The following SCIN variants were observed in gnomAD, a reference collection of about 807,000 sequenced individuals.
The protein encoded by SCIN is scinderin.
Under a neutral mutation model 91.8 loss-of-function variants are expected in SCIN, and 91 were observed. That is an observed-to-expected ratio of 0.99 (90% confidence interval 0.84 to 1.18). The LOEUF (loss-of-function observed/expected upper bound fraction) is 1.18. Among genes scored for constraint, SCIN ranks in the 50% most tolerant of loss-of-function variants. The pLI, the probability that SCIN is intolerant of heterozygous loss-of-function variation, is 0.00. For synonymous variants in SCIN, 367 were observed against 312.6 expected, an observed-to-expected ratio of 1.17 and a Z score of -1.84; for missense variants, 1,087 against 863.9, an observed-to-expected ratio of 1.26 and a Z score of -3.24.
chr7:12,590,940 G>A (rs1355272036), intron 3 of SCIN, among the ~76,000 whole-genome samples: 1 of 152,060 alleles, frequency 6.6e-6, no homozygotes, highest in Non-Finnish European at 1.5e-5. Context: ...AAGATTTAGG[G>A]CCCTGGTGAG....
intron 3 of SCIN, among the ~76,000 whole-genome samples, chr7:12,592,574 G>A (rs759773470): frequency 5.3e-5 from 8 of 151,956 alleles, no homozygotes; most frequent in African/African-American, 7.3e-5. Flanking sequence ...GTCAGGGGCC[G>A]GACTAGCGGA....
intron 1 of SCIN, among the ~76,000 whole-genome samples, chr7:12,575,478 C>G (rs1438057343): frequency 3.3e-5 from 5 of 152,124 alleles, no homozygotes; most frequent in African/African-American, 1.2e-4. Flanking sequence ...ATTGCTAGCT[C>G]TGTGTTTTTT....
chr7:12,644,306 G>A lies in SCIN; in HGVS notation c.1750G>A (p.Glu584Lys), dbSNP rs373351911. Residue 584 changes from glutamate to lysine, a missense_variant, in exon 12 of 16, where the codon GAG (glutamate) becomes AAG (lysine). By Grantham distance (56) the Glu-to-Lys change is moderately conservative (BLOSUM62 1). Coordinates refer to ENST00000297029, the MANE Select transcript of SCIN (RefSeq NM_001112706.3). ...KCKTLRIQEG[E>K]EPEEFWNSLG... is the part of the protein sequence containing the mutation. ...CAAAACCTTAAGGATCCAAGAAGGC[G>A]AGGAGCCAGGTGTGTGCTCTGGGGC... 8.1e-5 allele frequency: 128 copies of A among 1,582,640 alleles called. No individual in the cohort carries two copies. Among genetic ancestry groups the A allele is most frequent in the Non-Finnish European group, 1.1e-4 (123 of 1,163,784 alleles).
intron 11 of SCIN, among the ~76,000 whole-genome samples, chr7:12,643,478 T>C (rs1783895489): frequency 1.3e-5 from 2 of 152,228 alleles, no homozygotes; most frequent in Admixed American, 1.3e-4. Context: ...GAGCTTGTTC[T>C]GTGAGGCCTC....
rs1174877866 is a variant in SCIN, at chr7:12,644,231, AGCC to A, written c.1676_1678del (p.Ser559_Gln560delinsLys). 1 of 1,609,940 alleles carries A rather than the reference AGCC, an allele frequency of 6.2e-7. No homozygotes were observed. Among genetic ancestry groups the A allele is most frequent in the Non-Finnish European group, 8.5e-7 (1 of 1,177,962 alleles). ...CTACATCTGGGTAGGAAAAGGTGCT[AGCC>A]AGGAGGAGGAGAAAGGAGCAGAGTA... On this transcript the variant is annotated inframe_deletion, in exon 12 of 16. Transcript: ENST00000297029.
intron 4 of SCIN, among the ~76,000 whole-genome samples, chr7:12,605,451 C>T (rs1030870568): frequency 1.3e-5 from 2 of 152,108 alleles, no homozygotes; most frequent in African/African-American, 4.8e-5. Context: ...AGAAGTGTTT[C>T]AGATTTTGAA....
chr7:12,647,386 C>T (rs1436819183), intron 13 of SCIN, among the ~76,000 whole-genome samples: 6 of 152,080 alleles, frequency 3.9e-5, no homozygotes, highest in Non-Finnish European at 8.8e-5. Context: ...GTGTAGATTC[C>T]TACAAGGCAG....
intron 4 of SCIN, among the ~76,000 whole-genome samples, chr7:12,604,887 G>A (rs1047910396): frequency 1.3e-5 from 2 of 152,090 alleles, no homozygotes. Context: ...TACCGTTGGT[G>A]TCACTATCAA....
At chr7:12,625,899 T>C in intron 7 of SCIN, 49 bp downstream of exon 7, 1 of 1,325,392 alleles carries the variant, frequency 7.5e-7, no homozygotes, top group South Asian at 1.3e-5. Context: ...ACATTGGAGC[T>C]CATGACATCT....
In SCIN at chr7:12,652,630, G is replaced by A; in HGVS notation, c.2063G>A (p.Arg688Lys). The change falls in exon 16 of 16, where the codon AGG becomes AAG. Residue 688 changes from arginine to lysine, a missense_variant. Arg to Lys is a conservative substitution (Grantham distance 26). Transcript: ENST00000297029. The part of the protein sequence containing the change: ...LETDPSGRDK[R>K]TPIVIIKQGH... The stretch of plus-strand genomic sequence containing the variant: ...ACAGACCCTTCTGGAAGAGACAAGA[G>A]GACACCAATTGTCATCATAAAACAG... 1 of 1,612,686 alleles carries A rather than the reference G, an allele frequency of 6.2e-7. No homozygotes were observed. Among genetic ancestry groups the A allele is most frequent in the Non-Finnish European group, 8.5e-7 (1 of 1,179,468 alleles).
At chr7:12,588,811 G>C (rs112614850) in intron 3 of SCIN, 28 of 72,820 alleles carry the variant, frequency 3.8e-4, no homozygotes, top group African/African-American at 1.8e-3. Flanking sequence ...CATTGGGTGG[G>C]GGGGGGGGGG....
chr7:12,606,424 T>C (rs565758231), intron 4 of SCIN, among the ~76,000 whole-genome samples: 1 of 152,208 alleles, frequency 6.6e-6, no homozygotes, highest in South Asian at 2.1e-4. Flanking sequence ...GGTCCAGTGA[T>C]AGCCTAAAAA....
chr7:12,599,120 G>C (rs980400423), intron 3 of SCIN, among the ~76,000 whole-genome samples: 1 of 152,142 alleles, frequency 6.6e-6, no homozygotes, highest in African/African-American at 2.4e-5. Context: ...AGAGAACACA[G>C]GTCATTCATT....
intron 10 of SCIN, among the ~76,000 whole-genome samples, chr7:12,639,899 C>T (rs1462885526): frequency 2.0e-5 from 3 of 152,120 alleles, no homozygotes; most frequent in African/African-American, 7.2e-5. Context: ...TTTGAATGCA[C>T]ATCTCTTAAC....
At chr7:12,576,949 G>A (rs1782386015) in intron 1 of SCIN, among the ~76,000 whole-genome samples, 4 of 152,178 alleles carry the variant, frequency 2.6e-5, no homozygotes, top group Admixed American at 2.6e-4. Flanking sequence ...CTTGGATGTA[G>A]TAAAGAGTTT....
rs774368885 is a variant in SCIN, at chr7:12,629,107, C to T, written c.1204C>T (p.Arg402Cys). 1.2e-5 allele frequency: 20 copies of T among 1,609,998 alleles called. No individual in the cohort carries two copies. Among genetic ancestry groups the T allele is most frequent in the Middle Eastern group, 1.7e-4 (1 of 6,052 alleles). The change falls in exon 9 of 16, where the codon CGT becomes TGT. Residue 402 changes from arginine to cysteine, a missense_variant. Physicochemically the swap from Arg to Cys is radical, Grantham distance 180 (BLOSUM62 -3). Transcript: ENST00000297029. ...DDGSGKVEIW[R>C]VENNGRIQVD... The stretch of plus-strand genomic sequence containing the variant: ...TATATTCCATTCCTTCCAGATTTGG[C>T]GTGTAGAAAACAATGGTAGGATCCA...
chr7:12,647,524 G>T (rs956085372), intron 13 of SCIN, among the ~76,000 whole-genome samples: 22 of 152,168 alleles, frequency 1.4e-4, no homozygotes, highest in African/African-American at 5.3e-4. Flanking sequence ...AGCCTGTCTG[G>T]GCTGTAGTTG....
intron 13 of SCIN, among the ~76,000 whole-genome samples, chr7:12,646,205 C>T (rs1261090306): frequency 6.6e-6 from 1 of 152,190 alleles, no homozygotes; most frequent in African/African-American, 2.4e-5. Context: ...TGTCTTAGTT[C>T]AAGCTCCTAT....
At chr7:12,600,811 C>T (rs1310205970) in intron 3 of SCIN, among the ~76,000 whole-genome samples, 1 of 152,140 alleles carries the variant, frequency 6.6e-6, no homozygotes, top group Non-Finnish European at 1.5e-5. Flanking sequence ...AAGGATAGGG[C>T]TCACATCTCT....
Sources: allele counts gnomAD v4.1 joint callset (sites outside exome capture counted in the v4.1 genomes callset), GRCh38; gene constraint gnomAD v4.1.1; transcripts MANE v1.5; gene names NCBI Gene and HGNC (gene_info 2026-07-23, HGNC 2026-07-21).